The following SLC26A7 variants were observed in gnomAD, a reference collection of about 807,000 sequenced individuals.
The protein encoded by SLC26A7 is anion exchange transporter.
In SLC26A7, 59 loss-of-function variants were observed where a neutral mutation model predicts 82.5. The ratio of observed to expected loss-of-function variants is 0.72; its 90% confidence interval spans 0.58 to 0.89. The LOEUF is 0.89. SLC26A7 is among the 40% of genes least tolerant of loss of function. SLC26A7 has a pLI of 0.00. For missense variants in SLC26A7, 820 were observed against 793.0 expected (o/e 1.03, Z -0.41); for synonymous variants, 271 against 274.3 (o/e 0.99, Z 0.12).
At chr8:91,336,626 T>C (rs552484541) in intron 6 of SLC26A7, among the ~76,000 whole-genome samples, 1 of 151,550 alleles carries the variant, frequency 6.6e-6, no homozygotes, top group African/African-American at 2.4e-5. Flanking sequence ...TGGGGTGCAA[T>C]CCCCCCCTTG....
At chr8:91,214,148 G>A (rs1809993107) in intron 1 of SLC26A7, among the ~76,000 whole-genome samples, 1 of 152,090 alleles carries the variant, frequency 6.6e-6, no homozygotes, top group African/African-American at 2.4e-5. Context: ...TGTAAGGTGT[G>A]GTGGTGGAAA....
intron 2 of SLC26A7, among the ~76,000 whole-genome samples, chr8:91,243,319 T>C (rs896641842): frequency 6.6e-6 from 1 of 152,176 alleles, no homozygotes; most frequent in Admixed American, 6.5e-5. Flanking sequence ...TATAAAACGA[T>C]GGTGTCAAGA....
At chr8:91,326,415 C>T (rs1812933025) in intron 5 of SLC26A7, among the ~76,000 whole-genome samples, 1 of 152,110 alleles carries the variant, frequency 6.6e-6, no homozygotes, top group Non-Finnish European at 1.5e-5. Flanking sequence ...AACGGCCTCC[C>T]TCTTGCTGCT....
At chr8:91,341,540 A>G (rs553874595) in intron 8 of SLC26A7, among the ~76,000 whole-genome samples, 1 of 152,258 alleles carries the variant, frequency 6.6e-6, no homozygotes, top group African/African-American at 2.4e-5. Context: ...CTGTGCACCA[A>G]TTTTCTCATC....
intron 15 of SLC26A7, among the ~76,000 whole-genome samples, chr8:91,373,530 G>A (rs887752141): frequency 6.6e-6 from 1 of 151,940 alleles, no homozygotes; most frequent in Non-Finnish European, 1.5e-5. Flanking sequence ...CACATTTATT[G>A]ATTTATAAAT....
intron 14 of SLC26A7, 63 bp from the exon 15 acceptor site, chr8:91,369,721 AT>A: frequency 1.6e-6 from 2 of 1,249,170 alleles, no homozygotes; most frequent in Non-Finnish European, 2.2e-6. Context: ...GAATTATGTG[AT>A]TTTTTTCAGA....
chr8:91,362,854 A>G (rs1486403497), intron 12 of SLC26A7, among the ~76,000 whole-genome samples: 1 of 152,064 alleles, frequency 6.6e-6, no homozygotes, highest in African/African-American at 2.4e-5. Flanking sequence ...TTTATTTTTC[A>G]GAAGTCAGAT....
intron 4 of SLC26A7, among the ~76,000 whole-genome samples, chr8:91,301,040 A>G (rs1359704115): frequency 6.6e-6 from 1 of 152,228 alleles, no homozygotes; most frequent in Non-Finnish European, 1.5e-5. Context: ...TTATTATGTT[A>G]ATAGATTCCC....
intron 15 of SLC26A7, 77 bp downstream of exon 15, chr8:91,369,910 T>C: frequency 8.8e-7 from 1 of 1,140,810 alleles, no homozygotes; most frequent in Non-Finnish European, 1.3e-6. Flanking sequence ...CTTCTTCCCC[T>C]TCTCCTCCTC....
chr8:91,256,226 C>T (rs1810798692), intron 2 of SLC26A7, among the ~76,000 whole-genome samples: 1 of 152,078 alleles, frequency 6.6e-6, no homozygotes, highest in African/African-American at 2.4e-5. Context: ...GCATTGTCTT[C>T]CTTCTATTCT....
chr8:91,352,505 A>G (rs973783448), intron 10 of SLC26A7, among the ~76,000 whole-genome samples: 1 of 152,138 alleles, frequency 6.6e-6, no homozygotes, highest in African/African-American at 2.4e-5. Context: ...GTGAAATCAG[A>G]TAATTGACAT....
At chr8:91,356,136 C>T (rs1586447125) in intron 11 of SLC26A7, among the ~76,000 whole-genome samples, 1 of 152,290 alleles carries the variant, frequency 6.6e-6, no homozygotes, top group Non-Finnish European at 1.5e-5. Context: ...CATTGTTGGA[C>T]ATTTGGGTTG....
intron 9 of SLC26A7, among the ~76,000 whole-genome samples, chr8:91,346,058 T>C (rs1813554536): frequency 6.6e-6 from 1 of 152,154 alleles, no homozygotes; most frequent in African/African-American, 2.4e-5. Context: ...TTTTATTTAA[T>C]AGGAATTTTT....
chr8:91,359,806 C>G (rs906457849), intron 11 of SLC26A7, among the ~76,000 whole-genome samples: 1 of 151,866 alleles, frequency 6.6e-6, no homozygotes, highest in Admixed American at 6.6e-5. Flanking sequence ...ATACCCAATA[C>G]GTATAATGTC....
chr8:91,281,033 C>A (rs531621100), intron 2 of SLC26A7, among the ~76,000 whole-genome samples: 51 of 152,238 alleles, frequency 3.4e-4, no homozygotes, highest in African/African-American at 1.2e-3. Flanking sequence ...TAAAAGTAAA[C>A]CTCATCACAA....
At chr8:91,321,006 A>G (rs1318958111) in intron 5 of SLC26A7, among the ~76,000 whole-genome samples, 2 of 152,190 alleles carry the variant, frequency 1.3e-5, no homozygotes, top group East Asian at 1.9e-4. Flanking sequence ...GTTTTAGCCA[A>G]TCAAAATGTC....
intron 16 of SLC26A7, among the ~76,000 whole-genome samples, chr8:91,391,624 C>T (rs528015567): frequency 1.3e-5 from 2 of 152,214 alleles, no homozygotes; most frequent in Non-Finnish European, 1.5e-5. Context: ...TTTTTATTTA[C>T]TCTATGTTCC....
In SLC26A7 at chr8:91,340,677, C is replaced by CA. The variant is rs772147456; in HGVS notation, c.1026+135dup. ...AACTGTACAGCAAGAGTGGGTTGAACAAAAAAAAAGAAAAATATCAAAATC... is the reference window on the plus strand; with the variant it reads ...AACTGTACAGCAAGAGTGGGTTGAACAAAAAAAAAAGAAAAATATCAAAATC... On this transcript the variant is annotated intron_variant, in intron 8 of 18. Transcript: ENST00000276609. The CA allele has an allele frequency of 5.3e-3, 5,501 of 1,040,136 alleles. 6 individuals are homozygous for CA. The highest frequency in any genetic ancestry group is 6.5e-3 in the Non-Finnish European group (4,720 of 731,084). 64.4% of individuals were successfully genotyped at this position (1,040,136 alleles called of 1,614,324 possible). A position where few individuals can be genotyped will look rare whatever the true frequency, so the allele number is the denominator to read the frequency against.
chr8:91,320,161 C>T (rs993820590), intron 5 of SLC26A7, among the ~76,000 whole-genome samples: 13 of 152,238 alleles, frequency 8.5e-5, no homozygotes, highest in Admixed American at 3.3e-4. Context: ...CTCCTGGGTT[C>T]AAGCAATTCT....
Sources: allele counts gnomAD v4.1 joint callset (sites outside exome capture counted in the v4.1 genomes callset), GRCh38; gene constraint gnomAD v4.1.1; transcripts MANE v1.5; gene names NCBI Gene and HGNC (gene_info 2026-07-23, HGNC 2026-07-21).